The following UVRAG variants were observed in gnomAD, a reference collection of about 807,000 sequenced individuals.
UVRAG encodes the protein UV radiation resistance associated.
A neutral mutation model predicts 78.0 loss-of-function variants in UVRAG; 19 were observed. The observed-to-expected ratio is 0.24, with a 90% CI of 0.17 to 0.36. The LOEUF (loss-of-function observed/expected upper bound fraction) is 0.36, where lower values mean the gene tolerates loss of function less well. Ranked by LOEUF, UVRAG falls within the 10% of genes least tolerant of loss-of-function variation. The pLI is 1.00. For synonymous variants in UVRAG, 323 were observed against 324.6 expected (o/e 1.00, Z 0.05); for missense variants, 740 against 853.8 (o/e 0.87, Z 1.66).
Position 75,965,459 on chromosome 11 carries a change from C to T in UVRAG, c.699+3910C>T, listed in dbSNP as rs923261873. On this transcript the variant is annotated intron_variant, in intron 7 of 14. Transcript: ENST00000356136. ...CCCGAGTAGCTGGGACTACAGGCGTCCACCACCACGCCCAGTTAATTTTTT... is the reference window on the plus strand; with the variant it reads ...CCCGAGTAGCTGGGACTACAGGCGTTCACCACCACGCCCAGTTAATTTTTT... 2.6e-5 allele frequency among the ~76,000 whole-genome samples: 4 copies of T among 152,120 alleles called. No individual in the cohort carries two copies. The South Asian group carries it at 6.2e-4, about 24-fold the overall frequency.
At chr11:75,967,019 T>G (rs1039593000) in intron 7 of UVRAG, among the ~76,000 whole-genome samples, 18 of 152,214 alleles carry the variant, frequency 1.2e-4, no homozygotes, top group African/African-American at 3.4e-4. Flanking sequence ...GTTGACTTTC[T>G]GTTGGAGTTT....
At chr11:76,072,681 A>G (rs79532832) in intron 13 of UVRAG, among the ~76,000 whole-genome samples, 23 of 152,362 alleles carry the variant, frequency 1.5e-4, no homozygotes, top group East Asian at 3.9e-4. Context: ...TTGGCCATCT[A>G]TATAGGCATT....
chr11:75,819,409 G>T (rs1945338044), intron 1 of UVRAG, among the ~76,000 whole-genome samples: 1 of 152,136 alleles, frequency 6.6e-6, no homozygotes, highest in East Asian at 1.9e-4. Context: ...ATGCAGTGGT[G>T]CAATCTCCTC....
At chr11:76,115,851 T>A in intron 13 of UVRAG, 73 bp from the exon 14 acceptor site, 1 of 1,338,200 alleles carries the variant, frequency 7.5e-7, no homozygotes. Context: ...AAAAATAACT[T>A]GTTTAGTGGT....
At chr11:76,063,012 A>G (rs1951122874) in intron 12 of UVRAG, among the ~76,000 whole-genome samples, 1 of 152,186 alleles carries the variant, frequency 6.6e-6, no homozygotes, top group Admixed American at 6.5e-5. Context: ...CTGGGATCGC[A>G]TTAGCTTTTT....
intron 12 of UVRAG, among the ~76,000 whole-genome samples, chr11:76,019,961 T>TTAGGAGGC (rs1422051006): frequency 6.6e-6 from 1 of 152,074 alleles, no homozygotes; most frequent in African/African-American, 2.4e-5. Flanking sequence ...GAGATGCTGT[T>TTAGGAGGC]TAGGAGGCAA....
At chr11:76,087,513 T>C (rs140550674) in intron 13 of UVRAG, among the ~76,000 whole-genome samples, 26 of 152,288 alleles carry the variant, frequency 1.7e-4, no homozygotes, top group African/African-American at 5.8e-4. Flanking sequence ...TTACTGTGTG[T>C]CAGACAAGGC....
chr11:76,034,925 AAATT>A (rs1232029724), intron 12 of UVRAG, among the ~76,000 whole-genome samples: 7 of 152,216 alleles, frequency 4.6e-5, no homozygotes, highest in African/African-American at 1.4e-4. Flanking sequence ...TTACTGTTGT[AAATT>A]AATTAAACAC....
At chr11:76,042,471 C>T (rs1950666598) in intron 12 of UVRAG, among the ~76,000 whole-genome samples, 1 of 152,118 alleles carries the variant, frequency 6.6e-6, no homozygotes, top group South Asian at 2.1e-4. Context: ...TCAAGAGGTC[C>T]CTATTGTTAG....
At chr11:75,938,867 C>G (rs372319722) in intron 6 of UVRAG, among the ~76,000 whole-genome samples, 1 of 152,184 alleles carries the variant, frequency 6.6e-6, no homozygotes, top group Non-Finnish European at 1.5e-5. Flanking sequence ...CCTGAGAACT[C>G]TCGCACTCAT....
At chr11:75,886,240 A>G (rs1405615937) in intron 4 of UVRAG, among the ~76,000 whole-genome samples, 1 of 152,188 alleles carries the variant, frequency 6.6e-6, no homozygotes, top group Non-Finnish European at 1.5e-5. Context: ...CATGAAGTTT[A>G]CACTTTGAGA....
intron 14 of UVRAG, among the ~76,000 whole-genome samples, chr11:76,122,229 C>G (rs1314606071): frequency 6.6e-6 from 1 of 152,120 alleles, no homozygotes; most frequent in Non-Finnish European, 1.5e-5. Flanking sequence ...GTAGACAAAC[C>G]TTCACTAAGG....
In UVRAG at chr11:75,892,467, CTT is replaced by C. The variant is rs558575527; in HGVS notation, c.507+3566_507+3567del. ...TTCTATGCTGGCACTATTCTAAACA[CTT>C]TACACATTTTACCTTATTTAAACCT... On this transcript the variant is annotated intron_variant, in intron 5 of 14. Coordinates refer to ENST00000356136, the MANE Select transcript of UVRAG (RefSeq NM_003369.4). 1.6e-5 allele frequency: 15 copies of C among 910,740 alleles called. No individual in the cohort carries two copies. The East Asian group carries it at 1.7e-3, about 101-fold the overall frequency. The allele number at this position is 910,740 out of a possible 1,614,324, so 56.4% of individuals were successfully genotyped here.
chr11:75,878,644 C>T (rs1177832845), intron 3 of UVRAG, among the ~76,000 whole-genome samples: 2 of 152,208 alleles, frequency 1.3e-5, no homozygotes, highest in African/African-American at 2.4e-5. Context: ...GGATCACTCG[C>T]GGTTAGGAGC....
At chr11:76,106,513 A>G (rs975021460) in intron 13 of UVRAG, among the ~76,000 whole-genome samples, 1 of 151,512 alleles carries the variant, frequency 6.6e-6, no homozygotes, top group African/African-American at 2.4e-5. Context: ...TTACAGGCAC[A>G]CACCACCATG....
At chr11:75,893,016 A>G (rs1440987804) in intron 5 of UVRAG, among the ~76,000 whole-genome samples, 1 of 152,008 alleles carries the variant, frequency 6.6e-6, no homozygotes, top group Non-Finnish European at 1.5e-5. Flanking sequence ...CATCTCTACT[A>G]AAAACACAAA....
chr11:75,954,832 A>G (rs1006819227), intron 6 of UVRAG, among the ~76,000 whole-genome samples: 1 of 152,230 alleles, frequency 6.6e-6, no homozygotes, highest in African/African-American at 2.4e-5. Flanking sequence ...ATACACATGA[A>G]GTAGCAGATT....
chr11:75,992,501 G>A (rs911207538), intron 8 of UVRAG, among the ~76,000 whole-genome samples: 1 of 152,162 alleles, frequency 6.6e-6, no homozygotes, highest in African/African-American at 2.4e-5. Context: ...CCTAACATAA[G>A]TAGGAGAAAG....
At chr11:76,106,349 A>G (rs553186824) in intron 13 of UVRAG, among the ~76,000 whole-genome samples, 22 of 152,230 alleles carry the variant, frequency 1.4e-4, no homozygotes, top group African/African-American at 5.3e-4. Flanking sequence ...ATCAAAGTCA[A>G]TGAATTGGAA....
Sources: gnomAD v4.1 joint callset for allele counts (sites outside exome capture counted in the v4.1 genomes callset) on GRCh38, gnomAD v4.1.1 for gene constraint, MANE v1.5 for transcripts, NCBI Gene and HGNC (gene_info 2026-07-23, HGNC 2026-07-21) for gene names.